The following PDGFC variants were observed in gnomAD, a reference collection of about 807,000 sequenced individuals.
The protein encoded by PDGFC is platelet-derived growth factor C.
A neutral mutation model predicts 35.5 loss-of-function variants in PDGFC; 12 were observed. The observed-to-expected ratio is 0.34, with a 90% CI of 0.22 to 0.55. The LOEUF (loss-of-function observed/expected upper bound fraction) is 0.55, where lower values mean the gene tolerates loss of function less well. Among genes scored for constraint, PDGFC ranks in the 20% least tolerant of loss-of-function variants. PDGFC has a pLI of 0.91. For missense variants in PDGFC, 322 were observed against 412.4 expected (o/e 0.78, Z 1.90); for synonymous variants, 159 against 148.8 (o/e 1.07, Z -0.50).
intron 1 of PDGFC, among the ~76,000 whole-genome samples, chr4:156,965,746 A>C (rs2110984377): frequency 6.6e-6 from 1 of 152,276 alleles, no homozygotes; most frequent in East Asian, 1.9e-4. Context: ...GCTTGAAAGA[A>C]GCCATACCCC....
intron 1 of PDGFC, among the ~76,000 whole-genome samples, chr4:156,905,379 T>C (rs952944791): frequency 6.6e-6 from 1 of 152,132 alleles, no homozygotes; most frequent in Admixed American, 6.5e-5. Flanking sequence ...AATATCACTT[T>C]TGTATTATAT....
At chr4:156,966,028 C>T (rs910225171) in intron 1 of PDGFC, among the ~76,000 whole-genome samples, 3 of 152,118 alleles carry the variant, frequency 2.0e-5, no homozygotes, top group African/African-American at 7.2e-5. Context: ...TTGCACTAGT[C>T]TCTTCCCAAC....
At chr4:156,832,691 C>A (rs577014877) in intron 2 of PDGFC, among the ~76,000 whole-genome samples, 53 of 152,300 alleles carry the variant, frequency 3.5e-4, no homozygotes, top group African/African-American at 1.2e-3. Context: ...GGCGTTTGAA[C>A]TGCGTGGGTC....
At chr4:156,961,626 G>A (rs925091362) in intron 1 of PDGFC, among the ~76,000 whole-genome samples, 5 of 152,050 alleles carry the variant, frequency 3.3e-5, no homozygotes, top group Non-Finnish European at 7.4e-5. Context: ...GAATGTCAGT[G>A]GAAAAATGAT....
At chr4:156,782,532 C>T (rs755467699) in intron 3 of PDGFC, among the ~76,000 whole-genome samples, 19 of 152,192 alleles carry the variant, frequency 1.2e-4, no homozygotes, top group Non-Finnish European at 1.8e-4. Flanking sequence ...ATTTTTAAAT[C>T]ACTCTGTGAC....
intron 3 of PDGFC, among the ~76,000 whole-genome samples, chr4:156,787,237 G>A (rs1357641185): frequency 1.3e-5 from 2 of 152,080 alleles, no homozygotes; most frequent in African/African-American, 4.8e-5. Flanking sequence ...ACTGAGGAGT[G>A]GCCAGAGAGA....
At chr4:156,848,718 T>C (rs369130001) in intron 2 of PDGFC, among the ~76,000 whole-genome samples, 4 of 152,096 alleles carry the variant, frequency 2.6e-5, no homozygotes, top group South Asian at 4.1e-4. Flanking sequence ...TAGAGAAATA[T>C]GTACTTCTTA....
At chr4:156,901,642 G>A (rs1244361429) in intron 1 of PDGFC, among the ~76,000 whole-genome samples, 3 of 151,514 alleles carry the variant, frequency 2.0e-5, no homozygotes, top group African/African-American at 7.3e-5. Flanking sequence ...ATTTTTCTAA[G>A]ACAGAGTCCT....
chr4:156,941,943 A>C (rs1000148167), intron 1 of PDGFC, among the ~76,000 whole-genome samples: 2 of 152,162 alleles, frequency 1.3e-5, no homozygotes, highest in Non-Finnish European at 2.9e-5. Context: ...GACGTTTTAC[A>C]TGAAAGTCTT....
intron 1 of PDGFC, among the ~76,000 whole-genome samples, chr4:156,968,585 T>C (rs920605394): frequency 6.6e-6 from 1 of 152,278 alleles, no homozygotes; most frequent in East Asian, 1.9e-4. Context: ...TCCAGGGGAA[T>C]CTTCTTCAGC....
intron 3 of PDGFC, among the ~76,000 whole-genome samples, chr4:156,798,276 G>C (rs529867299): frequency 6.6e-6 from 1 of 152,284 alleles, no homozygotes; most frequent in Non-Finnish European, 1.5e-5. Flanking sequence ...TCATTTAAGA[G>C]AAGTAAAAAT....
Position 156,850,418 on chromosome 4 carries a change from T to C in PDGFC, c.119-2A>G. On this transcript the variant is annotated splice_acceptor_variant, in intron 1 of 5. Coordinates refer to ENST00000502773, the MANE Select transcript of PDGFC (RefSeq NM_016205.3). LOFTEE classifies it high-confidence loss of function. ...TCTCATGCTGAGGATCTTGTACTCC[T>C]AAAGCAAAAAACATAGACATAGACA... 6.4e-7 allele frequency: 1 copy of C among 1,553,794 alleles called. No homozygotes were observed. Among genetic ancestry groups the C allele is most frequent in the Non-Finnish European group, 8.7e-7 (1 of 1,144,154 alleles).
At chr4:156,823,409 G>C (rs1732325085) in intron 2 of PDGFC, among the ~76,000 whole-genome samples, 1 of 152,164 alleles carries the variant, frequency 6.6e-6, no homozygotes, top group African/African-American at 2.4e-5. Flanking sequence ...GTTTAGCATA[G>C]TGCCTAGCAA....
intron 1 of PDGFC, among the ~76,000 whole-genome samples, chr4:156,920,271 T>C (rs1365116465): frequency 6.6e-6 from 1 of 152,202 alleles, no homozygotes; most frequent in Non-Finnish European, 1.5e-5. Flanking sequence ...ACCGGTTGTT[T>C]TGAATTGTTA....
intron 3 of PDGFC, among the ~76,000 whole-genome samples, chr4:156,778,563 T>G (rs944652580): frequency 2.0e-5 from 3 of 152,182 alleles, no homozygotes; most frequent in Admixed American, 1.3e-4. Context: ...AAATATTTTC[T>G]GCACTTGTTA....
At chr4:156,839,163 T>C (rs1218910178) in intron 2 of PDGFC, among the ~76,000 whole-genome samples, 2 of 152,150 alleles carry the variant, frequency 1.3e-5, no homozygotes, top group Admixed American at 1.3e-4. Context: ...TCTAGACACA[T>C]TCCAAAGGCC....
chr4:156,827,940 G>A (rs974624659), intron 2 of PDGFC, among the ~76,000 whole-genome samples: 13 of 152,182 alleles, frequency 8.5e-5, no homozygotes, highest in African/African-American at 3.1e-4. Flanking sequence ...AGTGTTAAGA[G>A]GCAAAGCAAA....
intron 1 of PDGFC, among the ~76,000 whole-genome samples, chr4:156,895,026 T>C (rs1379007528): frequency 6.6e-6 from 1 of 152,164 alleles, no homozygotes; most frequent in African/African-American, 2.4e-5. Context: ...TGTAAGACAG[T>C]AGAAATTATT....
chr4:156,772,858 G>C lies in PDGFC; in HGVS notation c.531C>G (p.Pro177=). ...GCAGGTCCAGTGGCAAAGCTGAAGG[G>C]GGTAGCACTGAAGGACTCACAGCTT... The part of the protein sequence containing the change: ...FTEAVSPSVL[P]PSALPLDLLN... The change falls in exon 4 of 6, where the codon CCC becomes CCG. Residue 177 remains proline, a synonymous_variant. Coordinates refer to ENST00000502773, the MANE Select transcript of PDGFC (RefSeq NM_016205.3). 4 of 1,613,246 alleles carry C rather than the reference G, an allele frequency of 2.5e-6. No homozygotes were observed. The highest frequency in any genetic ancestry group is 3.4e-6 in the Non-Finnish European group (4 of 1,179,312).
Sources: allele counts gnomAD v4.1 joint callset (sites outside exome capture counted in the v4.1 genomes callset), GRCh38; gene constraint gnomAD v4.1.1; transcripts MANE v1.5; gene names NCBI Gene and HGNC (gene_info 2026-07-23, HGNC 2026-07-21).